GPC5: variants seen among roughly 807,000 people sequenced by gnomAD.
GPC5 encodes the protein glypican-5.
Under a neutral mutation model 53.9 loss-of-function variants are expected in GPC5, and 47 were observed. The ratio of observed to expected loss-of-function variants is 0.87; its 90% confidence interval spans 0.69 to 1.11. The LOEUF is 1.11. Ranked by LOEUF, GPC5 falls within the 50% of genes most tolerant of loss-of-function variation. GPC5 has a pLI of 0.00. For missense variants in GPC5, 748 were observed against 713.1 expected (o/e 1.05, Z -0.56); for synonymous variants, 286 against 263.3 (o/e 1.09, Z -0.84).
At chr13:91,867,645 A>G (rs1199949274) in intron 5 of GPC5, among the ~76,000 whole-genome samples, 3 of 152,222 alleles carry the variant, frequency 2.0e-5, no homozygotes, top group Admixed American at 6.5e-5. Flanking sequence ...ATCAAATGTT[A>G]AATCTACTAA....
chr13:92,358,501 C>T (rs1277215254), intron 7 of GPC5, among the ~76,000 whole-genome samples: 1 of 151,678 alleles, frequency 6.6e-6, no homozygotes, highest in African/African-American at 2.4e-5. Flanking sequence ...TGGCTCCAAC[C>T]CCACATTTCC....
At chr13:91,496,712 G>T (rs1884285786) in intron 2 of GPC5, among the ~76,000 whole-genome samples, 1 of 152,148 alleles carries the variant, frequency 6.6e-6, no homozygotes, top group African/African-American at 2.4e-5. Context: ...ATAAGATCTA[G>T]TGTTTGACAG....
At chr13:92,215,287 G>T (rs547376752) in intron 7 of GPC5, among the ~76,000 whole-genome samples, 1 of 152,234 alleles carries the variant, frequency 6.6e-6, no homozygotes, top group East Asian at 1.9e-4. Context: ...TCAACATTTA[G>T]AATATTTTTT....
At chr13:91,490,384 G>A (rs79799269) in intron 2 of GPC5, among the ~76,000 whole-genome samples, 1,930 of 152,214 alleles carry the variant, frequency 0.013, 34 homozygotes, top group African/African-American at 0.042. Flanking sequence ...TTAGAGGAAA[G>A]GTAATGATTT....
At chr13:91,735,448 T>G (rs2036794331) in intron 4 of GPC5, among the ~76,000 whole-genome samples, 1 of 151,326 alleles carries the variant, frequency 6.6e-6, no homozygotes, top group Non-Finnish European at 1.5e-5. Flanking sequence ...AGATTTTTAC[T>G]GATTTCTGTT....
chr13:92,150,770 T>G (rs1593934110), intron 7 of GPC5, among the ~76,000 whole-genome samples: 1 of 152,130 alleles, frequency 6.6e-6, no homozygotes, highest in South Asian at 2.1e-4. Context: ...TTCAGATCAC[T>G]CAGCTGTTCT....
chr13:92,386,101 A>G (rs1426702922), intron 7 of GPC5, among the ~76,000 whole-genome samples: 4 of 151,918 alleles, frequency 2.6e-5, no homozygotes. Context: ...TTTCTTTTAA[A>G]TTCTTAGTTC....
At chr13:92,461,617 G>A (rs1043007306) in intron 7 of GPC5, among the ~76,000 whole-genome samples, 2 of 152,176 alleles carry the variant, frequency 1.3e-5, no homozygotes, top group Non-Finnish European at 2.9e-5. Flanking sequence ...CTTTTGGGAG[G>A]CAATTAGGCA....
chr13:92,307,016 G>C (rs988378359), intron 7 of GPC5, among the ~76,000 whole-genome samples: 30 of 152,122 alleles, frequency 2.0e-4, no homozygotes, highest in Admixed American at 3.3e-4. Flanking sequence ...TCTGGACAAA[G>C]ATTTTATGGT....
chr13:92,660,791 A>C (rs1886315541), intron 7 of GPC5, among the ~76,000 whole-genome samples: 1 of 152,166 alleles, frequency 6.6e-6, no homozygotes, highest in African/African-American at 2.4e-5. Flanking sequence ...TTATGATGGA[A>C]ATATTCCCTA....
chr13:92,128,980 A>G (rs1211746316), intron 6 of GPC5, among the ~76,000 whole-genome samples: 2 of 152,154 alleles, frequency 1.3e-5, no homozygotes, highest in Non-Finnish European at 2.9e-5. Context: ...AAATAAAAGT[A>G]AAATAAAATC....
At chr13:92,734,329 C>A (rs1458055119) in intron 7 of GPC5, among the ~76,000 whole-genome samples, 1 of 151,818 alleles carries the variant, frequency 6.6e-6, no homozygotes, top group African/African-American at 2.4e-5. Context: ...TTCCTGTCAT[C>A]TCTTGGTGAA....
Position 91,525,926 on chromosome 13 carries a change from A to G in GPC5, c.325+77004A>G, listed in dbSNP as rs11620219. Among the ~76,000 whole-genome samples the G allele has an allele frequency of 7.0e-3, 1,067 of 152,322 alleles. 5 individuals carry two copies. The highest frequency in any genetic ancestry group is 0.011 in the Non-Finnish European group (776 of 68,016). On this transcript the variant is annotated intron_variant, in intron 2 of 7. Transcript: ENST00000377067. ...CTGGGGATCAGAAGTGGAACACTGA[A>G]CATTTGTCCTCTACCACTACAGGTG...
chr13:92,564,592 G>T (rs1175101859), intron 7 of GPC5, among the ~76,000 whole-genome samples: 3 of 151,962 alleles, frequency 2.0e-5, no homozygotes, highest in Non-Finnish European at 4.4e-5. Flanking sequence ...GTAGGACATT[G>T]AAGTTTGGGA....
chr13:91,630,645 G>C (rs1295664208), intron 2 of GPC5, among the ~76,000 whole-genome samples: 1 of 152,086 alleles, frequency 6.6e-6, no homozygotes, highest in East Asian at 1.9e-4. Flanking sequence ...AAGAGGGCCT[G>C]TCCCCAAATT....
At chr13:91,534,955 A>G (rs1367368201) in intron 2 of GPC5, among the ~76,000 whole-genome samples, 1 of 152,176 alleles carries the variant, frequency 6.6e-6, no homozygotes, top group Non-Finnish European at 1.5e-5. Context: ...TATGTTAATT[A>G]TCTAGTGAAA....
At chr13:92,809,673 A>G (rs1877223507) in intron 7 of GPC5, among the ~76,000 whole-genome samples, 1 of 152,172 alleles carries the variant, frequency 6.6e-6, no homozygotes, top group South Asian at 2.1e-4. Flanking sequence ...ACTTATTTTA[A>G]GATTTTAAAT....
chr13:92,595,767 CAAAA>C (rs35255458), intron 7 of GPC5, among the ~76,000 whole-genome samples: 2 of 93,436 alleles, frequency 2.1e-5, no homozygotes, highest in South Asian at 4.6e-4. Flanking sequence ...GACTCTGTCT[CAAAA>C]AAAAAAAAAA....
At chr13:91,728,489 G>C in intron 3 of GPC5, 43 bp from the exon 4 acceptor site, 1 of 1,583,266 alleles carries the variant, frequency 6.3e-7, no homozygotes, top group Non-Finnish European at 8.6e-7. Context: ...CAGAAAGGTG[G>C]AGTACGATTT....
Sources: allele counts gnomAD v4.1 joint callset (sites outside exome capture counted in the v4.1 genomes callset), GRCh38; gene constraint gnomAD v4.1.1; transcripts MANE v1.5; gene names NCBI Gene and HGNC (gene_info 2026-07-23, HGNC 2026-07-21).